Variants in PDZRN4 observed in about 807,000 individuals in gnomAD.
The protein encoded by PDZRN4 is PDZ domain-containing RING finger protein 4.
Under a neutral mutation model 99.0 loss-of-function variants are expected in PDZRN4, and 70 were observed. The observed-to-expected ratio is 0.71, with a 90% CI of 0.58 to 0.86. The LOEUF is 0.86. Ranked by LOEUF, PDZRN4 falls within the 40% of genes least tolerant of loss-of-function variation. The probability of loss-of-function intolerance (pLI) is 0.00; values close to 1 mark genes in which losing one functional copy is unlikely to be tolerated. For missense variants in PDZRN4, 1,474 were observed against 1,331.2 expected, an observed-to-expected ratio of 1.11 and a Z score of -1.67; for synonymous variants, 551 against 501.6, an observed-to-expected ratio of 1.10 and a Z score of -1.32.
intron 3 of PDZRN4, among the ~76,000 whole-genome samples, chr12:41,321,873 C>T (rs532031724): frequency 9.9e-5 from 15 of 152,144 alleles, no homozygotes; most frequent in South Asian, 2.1e-4. Flanking sequence ...TTGGGATTTA[C>T]GGTTGGAAAA....
chr12:41,525,501 A>G (rs891989719), intron 5 of PDZRN4, among the ~76,000 whole-genome samples: 2 of 152,210 alleles, frequency 1.3e-5, no homozygotes, highest in African/African-American at 4.8e-5. Flanking sequence ...ATGTAAATAT[A>G]TATGTATGTA....
rs572134800 is a variant in PDZRN4 at position 41,446,119 on chromosome 12, C to G, written c.844-60337C>G. ...TCTCCTGTATTTCGACATGTAACAT[C>G]TAATTGCTAATTTGTGCCATTCTGT... On this transcript the variant is annotated intron_variant, in intron 3 of 9. Transcript: ENST00000402685. Among the ~76,000 whole-genome samples, 19 of 152,230 alleles carry G rather than the reference C, an allele frequency of 1.2e-4. 1 individual carries two copies. Among genetic ancestry groups the G allele is most frequent in the Middle Eastern group, 6.8e-3 (2 of 294 alleles).
chr12:41,486,976 T>C (rs557322202), intron 3 of PDZRN4, among the ~76,000 whole-genome samples: 1 of 148,978 alleles, frequency 6.7e-6, no homozygotes, highest in South Asian at 2.2e-4. Flanking sequence ...CATTCCAATG[T>C]CTAGCACCAT....
At chr12:41,494,464 T>C (rs1188715905) in intron 3 of PDZRN4, among the ~76,000 whole-genome samples, 1 of 152,142 alleles carries the variant, frequency 6.6e-6, no homozygotes, top group Non-Finnish European at 1.5e-5. Flanking sequence ...TTGTTACTGT[T>C]GTTGTTATTA....
At chr12:41,382,486 A>G (rs1592036749) in intron 3 of PDZRN4, among the ~76,000 whole-genome samples, 2 of 152,342 alleles carry the variant, frequency 1.3e-5, no homozygotes, top group East Asian at 3.9e-4. Context: ...ATCAATCTTT[A>G]TTAAAGGCAA....
At chr12:41,340,559 G>A (rs1276638658) in intron 3 of PDZRN4, among the ~76,000 whole-genome samples, 1 of 151,762 alleles carries the variant, frequency 6.6e-6, no homozygotes, top group African/African-American at 2.4e-5. Context: ...TTAATTTACT[G>A]TATATTTTTA....
intron 3 of PDZRN4, among the ~76,000 whole-genome samples, chr12:41,376,603 C>A (rs534919384): frequency 6.6e-6 from 1 of 151,966 alleles, no homozygotes; most frequent in African/African-American, 2.4e-5. Context: ...TTGAGTTGTA[C>A]GAGTTTCTAA....
chr12:41,429,036 T>C (rs772164485), intron 3 of PDZRN4, among the ~76,000 whole-genome samples: 5 of 152,120 alleles, frequency 3.3e-5, no homozygotes, highest in African/African-American at 7.2e-5. Context: ...AAAAGAACCA[T>C]GAGTTAAGTT....
chr12:41,223,286 T>C (rs1422388636), intron 3 of PDZRN4, among the ~76,000 whole-genome samples: 1 of 152,178 alleles, frequency 6.6e-6, no homozygotes, highest in Non-Finnish European at 1.5e-5. Context: ...TTTGTGTATG[T>C]AGACATTAAA....
intron 3 of PDZRN4, among the ~76,000 whole-genome samples, chr12:41,362,840 T>C (rs556635777): frequency 9.1e-4 from 138 of 152,232 alleles, no homozygotes; most frequent in South Asian, 6.6e-3. Context: ...TATTCCTACA[T>C]TAATTATGAC....
chr12:41,479,127 T>G (rs894799754), intron 3 of PDZRN4, among the ~76,000 whole-genome samples: 4 of 152,170 alleles, frequency 2.6e-5, no homozygotes, highest in Admixed American at 6.5e-5. Context: ...TTAGGAATAA[T>G]GACTTTTACC....
At chr12:41,286,336 CTTTTT>C (rs71081721) in intron 3 of PDZRN4, among the ~76,000 whole-genome samples, 1,767 of 106,366 alleles carry the variant, frequency 0.017, 14 homozygotes, top group Admixed American at 0.037. Flanking sequence ...CCTTCTTCTT[CTTTTT>C]TTTTTTTTTT....
chr12:41,268,569 G>A (rs1247061273), intron 3 of PDZRN4, among the ~76,000 whole-genome samples: 3 of 152,122 alleles, frequency 2.0e-5, no homozygotes, highest in South Asian at 2.1e-4. Flanking sequence ...TTCCAGATAC[G>A]AAAAACTTGA....
chr12:41,295,807 G>A lies in PDZRN4; in HGVS notation c.843+101619G>A, dbSNP rs959164602. On this transcript the variant is annotated intron_variant, in intron 3 of 9. Transcript: ENST00000402685. ...AAGCAAAAACAAACATCAAATGTAC[G>A]GTAAAGCTTGGGTGGAAGAATGGTG... 5.9e-5 allele frequency among the ~76,000 whole-genome samples: 9 copies of A among 152,090 alleles called. No individual in the cohort carries two copies. In the East Asian group the frequency reaches 9.6e-4, roughly 16 times the overall value.
intron 3 of PDZRN4, among the ~76,000 whole-genome samples, chr12:41,433,752 T>G (rs533555751): frequency 5.9e-5 from 9 of 152,354 alleles, no homozygotes; most frequent in Non-Finnish European, 1.0e-4. Context: ...CAGAATAGGC[T>G]CACTTGGATT....
chr12:41,505,079 T>A (rs1379188656), intron 3 of PDZRN4, among the ~76,000 whole-genome samples: 1 of 152,142 alleles, frequency 6.6e-6, no homozygotes, highest in Non-Finnish European at 1.5e-5. Flanking sequence ...GCCCCACACT[T>A]GCTCTGAGCA....
At chr12:41,336,241 A>G (rs1951773400) in intron 3 of PDZRN4, among the ~76,000 whole-genome samples, 1 of 152,132 alleles carries the variant, frequency 6.6e-6, no homozygotes, top group Non-Finnish European at 1.5e-5. Context: ...GAAGGAATAA[A>G]GAGAGGTTGC....
At chr12:41,367,417 G>A (rs1382701616) in intron 3 of PDZRN4, among the ~76,000 whole-genome samples, 1 of 152,076 alleles carries the variant, frequency 6.6e-6, no homozygotes, top group African/African-American at 2.4e-5. Context: ...GCTGAGGCAG[G>A]AGAATTGCTT....
intron 3 of PDZRN4, among the ~76,000 whole-genome samples, chr12:41,211,199 T>G (rs1950886109): frequency 6.6e-6 from 1 of 151,990 alleles, no homozygotes; most frequent in African/African-American, 2.4e-5. Context: ...ATTGAAAGAA[T>G]TGTCATATCC....
Sources: allele counts gnomAD v4.1 joint callset (sites outside exome capture counted in the v4.1 genomes callset), GRCh38; gene constraint gnomAD v4.1.1; transcripts MANE v1.5; gene names NCBI Gene and HGNC (gene_info 2026-07-23, HGNC 2026-07-21).